The following KCNH8 variants were observed in gnomAD, a reference collection of about 807,000 sequenced individuals.
KCNH8 encodes potassium voltage-gated channel subfamily H member 8, also known as voltage-gated delayed rectifier potassium channel KCNH8.
A neutral mutation model predicts 103.6 loss-of-function variants in KCNH8; 70 were observed. The observed-to-expected ratio is 0.68, with a 90% CI of 0.56 to 0.82. KCNH8 has a LOEUF of 0.82. KCNH8 is among the 40% of genes least tolerant of loss of function. The pLI is 0.00. For missense variants in KCNH8, 1,217 were observed against 1,329.9 expected (o/e 0.92, Z 1.32); for synonymous variants, 498 against 489.4 (o/e 1.02, Z -0.23).
rs541719831 is a variant in KCNH8, at chr3:19,311,947, T to C, written c.442+30618T>C. Reference sequence around the variant, plus strand: ...CTGTCAATTGTTGTATAAAGTATCCTAATTGATATAAGGCTGACAGATTCT... The same window carrying C: ...CTGTCAATTGTTGTATAAAGTATCCCAATTGATATAAGGCTGACAGATTCT... On this transcript the variant is annotated intron_variant, in intron 3 of 15. Coordinates refer to ENST00000328405, the MANE Select transcript of KCNH8 (RefSeq NM_144633.3). Among the ~76,000 whole-genome samples the C allele has an allele frequency of 5.3e-5, 8 of 152,082 alleles. No homozygotes were observed. In the South Asian group the frequency reaches 1.7e-3, roughly 31 times the overall value.
At chr3:19,330,830 C>T (rs1361900242) in intron 3 of KCNH8, among the ~76,000 whole-genome samples, 1 of 152,122 alleles carries the variant, frequency 6.6e-6, no homozygotes, top group African/African-American at 2.4e-5. Context: ...TTTAGAGGAT[C>T]ACCTATAGGC....
rs71314446 is a variant in KCNH8 at position 19,190,643 on chromosome 3, A to G, written c.76+41848A>G. The stretch of plus-strand genomic sequence containing the variant: ...ATTAGCTGCATGGACAAGAAGCCTG[A>G]TGGATTTAATGTGGAAGAAAGTAGG... On this transcript the variant is annotated intron_variant, in intron 1 of 15. Coordinates refer to ENST00000328405, the MANE Select transcript of KCNH8 (RefSeq NM_144633.3). 5.4e-3 allele frequency among the ~76,000 whole-genome samples: 826 copies of G among 152,070 alleles called. 3 individuals are homozygous for G. The highest frequency in any genetic ancestry group is 8.7e-3 in the Non-Finnish European group (590 of 67,892).
chr3:19,517,477 G>A (rs886660770), intron 14 of KCNH8, among the ~76,000 whole-genome samples: 1 of 151,950 alleles, frequency 6.6e-6, no homozygotes, highest in Non-Finnish European at 1.5e-5. Context: ...AAAAAGTGGA[G>A]AAGAAGAACT....
At chr3:19,514,277 T>C (rs1317012561) in intron 13 of KCNH8, among the ~76,000 whole-genome samples, 5 of 152,090 alleles carry the variant, frequency 3.3e-5, no homozygotes, top group Admixed American at 6.6e-5. Flanking sequence ...TTCATTAAGA[T>C]AAAATATTAA....
intron 7 of KCNH8, among the ~76,000 whole-genome samples, chr3:19,434,452 T>C (rs989135386): frequency 7.2e-5 from 11 of 152,216 alleles, no homozygotes; most frequent in African/African-American, 2.7e-4. Flanking sequence ...TCTCAGTCAC[T>C]TCTGCAGCTG....
At chr3:19,504,072 A>T (rs1233912491) in intron 11 of KCNH8, among the ~76,000 whole-genome samples, 1 of 152,188 alleles carries the variant, frequency 6.6e-6, no homozygotes, top group African/African-American at 2.4e-5. Flanking sequence ...AACAAAGCTG[A>T]CAAAAACCAG....
intron 5 of KCNH8, among the ~76,000 whole-genome samples, chr3:19,352,709 G>C (rs556347597): frequency 6.6e-6 from 1 of 152,274 alleles, no homozygotes; most frequent in African/African-American, 2.4e-5. Flanking sequence ...CAACATACCA[G>C]AATCTCTGGG....
intron 15 of KCNH8, among the ~76,000 whole-genome samples, chr3:19,525,729 G>A (rs1003515155): frequency 3.3e-5 from 5 of 151,828 alleles, no homozygotes; most frequent in African/African-American, 9.7e-5. Flanking sequence ...AAGAGACGTC[G>A]GCTGCACCTG....
intron 5 of KCNH8, among the ~76,000 whole-genome samples, chr3:19,355,508 A>G (rs1173143179): frequency 6.6e-6 from 1 of 152,162 alleles, no homozygotes; most frequent in Non-Finnish European, 1.5e-5. Context: ...GATAGACTGG[A>G]TTAAGAAAAT....
chr3:19,287,655 G>A (rs1392833120), intron 3 of KCNH8, among the ~76,000 whole-genome samples: 2 of 151,988 alleles, frequency 1.3e-5, no homozygotes, highest in African/African-American at 4.8e-5. Flanking sequence ...GCACAATCTC[G>A]GCTCACTGCA....
intron 1 of KCNH8, among the ~76,000 whole-genome samples, chr3:19,170,584 C>CTATATATATA (rs113772694): frequency 2.5e-3 from 289 of 114,022 alleles, no homozygotes; most frequent in African/African-American, 8.5e-3. Context: ...CTTGGGGCAT[C>CTATATATATA]TATATATATA....
chr3:19,327,592 A>G (rs1446185628), intron 3 of KCNH8, among the ~76,000 whole-genome samples: 1 of 152,144 alleles, frequency 6.6e-6, no homozygotes, highest in East Asian at 1.9e-4. Context: ...GCCTGGCCCC[A>G]TGGCCATAAT....
chr3:19,470,625 C>G (rs1208617896), intron 11 of KCNH8, among the ~76,000 whole-genome samples: 1 of 152,118 alleles, frequency 6.6e-6, no homozygotes, highest in Non-Finnish European at 1.5e-5. Context: ...AGAGATCACC[C>G]TGTAGTAGCA....
intron 14 of KCNH8, 44 bp from the exon 15 acceptor site, chr3:19,517,954 G>A (rs914455870): frequency 2.1e-6 from 3 of 1,462,962 alleles, no homozygotes; most frequent in Non-Finnish European, 2.8e-6. Context: ...CAAATATAAG[G>A]TTTATTCCTA....
chr3:19,531,148 A>T (rs933679079), intron 15 of KCNH8, among the ~76,000 whole-genome samples: 4 of 152,242 alleles, frequency 2.6e-5, no homozygotes, highest in African/African-American at 9.6e-5. Flanking sequence ...GAAATGAACT[A>T]ATGTAGCCCT....
At position 19,241,949 on chromosome 3, in the gene KCNH8, A is replaced by G. The variant is rs149574345; in HGVS notation, c.77-11705A>G. Among the ~76,000 whole-genome samples, 402 of 152,324 alleles carry G rather than the reference A, an allele frequency of 2.6e-3. 1 individual carries two copies. Among genetic ancestry groups the G allele is most frequent in the African/African-American group, 9.4e-3 (392 of 41,574 alleles). ...GTTGAGAGAGGGATCTACTTAGAGA[A>G]GATGATCAGGGAAGGACTCTGAGAA... is the stretch of plus-strand genomic sequence containing the variant. On this transcript the variant is annotated intron_variant, in intron 1 of 15. Transcript: ENST00000328405.
intron 7 of KCNH8, among the ~76,000 whole-genome samples, chr3:19,407,572 G>C (rs1159714933): frequency 6.6e-6 from 1 of 151,978 alleles, no homozygotes; most frequent in Non-Finnish European, 1.5e-5. Flanking sequence ...CAGATATCCA[G>C]GTATTTGGAG....
chr3:19,471,083 G>C (rs886192881), intron 11 of KCNH8, among the ~76,000 whole-genome samples: 12 of 152,130 alleles, frequency 7.9e-5, no homozygotes, highest in African/African-American at 2.9e-4. Flanking sequence ...TTGTTTATGG[G>C]GAAGGGGAGT....
At chr3:19,475,947 C>T (rs1042665333) in intron 11 of KCNH8, among the ~76,000 whole-genome samples, 9 of 152,076 alleles carry the variant, frequency 5.9e-5, no homozygotes, top group African/African-American at 2.2e-4. Flanking sequence ...CTCCACGCAC[C>T]AATTTTGAGT....
Sources: allele counts gnomAD v4.1 joint callset (sites outside exome capture counted in the v4.1 genomes callset), GRCh38; gene constraint gnomAD v4.1.1; transcripts MANE v1.5; gene names NCBI Gene and HGNC (gene_info 2026-07-23, HGNC 2026-07-21).